Variants in XKR6 observed in about 807,000 individuals in gnomAD.
The protein encoded by XKR6 is XK related 6, also known as XK-related protein 6.
XKR6 carries 22 observed loss-of-function variants against 56.7 expected under a neutral mutation model. The ratio of observed to expected loss-of-function variants is 0.39; its 90% CI spans 0.28 to 0.55. The LOEUF (loss-of-function observed/expected upper bound fraction) is 0.55, where lower values mean the gene tolerates loss of function less well. Among genes scored for constraint, XKR6 ranks in the 20% least tolerant of loss-of-function variants. The probability of loss-of-function intolerance (pLI) is 0.66; values close to 1 mark genes in which losing one functional copy is unlikely to be tolerated. For synonymous variants in XKR6, 524 were observed against 387.8 expected (o/e 1.35, Z -4.13); for missense variants, 852 against 889.0 (o/e 0.96, Z 0.53).
chr8:10,974,601 G>C (rs1316704665), intron 1 of XKR6, among the ~76,000 whole-genome samples: 2 of 152,220 alleles, frequency 1.3e-5, no homozygotes, highest in Admixed American at 1.3e-4. Flanking sequence ...TGGTGAGGAA[G>C]AGGTGACAGT....
intron 1 of XKR6, among the ~76,000 whole-genome samples, chr8:11,022,525 C>G (rs990396781): frequency 5.9e-5 from 9 of 152,282 alleles, no homozygotes; most frequent in Non-Finnish European, 1.2e-4. Context: ...ATGAATGGGA[C>G]AAAGACTAAG....
chr8:10,981,589 G>C (rs1195817795), intron 1 of XKR6, among the ~76,000 whole-genome samples: 1 of 152,124 alleles, frequency 6.6e-6, no homozygotes, highest in Admixed American at 6.5e-5. Context: ...TAAATGTATA[G>C]ACCCAGGGAT....
At chr8:11,101,854 C>CT (rs1218136802) in intron 1 of XKR6, among the ~76,000 whole-genome samples, 1 of 152,070 alleles carries the variant, frequency 6.6e-6, no homozygotes, top group Non-Finnish European at 1.5e-5. Flanking sequence ...GTGGCTCACC[C>CT]TTTAAGGCCC....
intron 1 of XKR6, among the ~76,000 whole-genome samples, chr8:11,058,010 T>G (rs1799729788): frequency 6.6e-6 from 1 of 152,236 alleles, no homozygotes; most frequent in Admixed American, 6.5e-5. Flanking sequence ...ATGTGTTGCC[T>G]TTAACTCTAA....
At position 11,012,200 on chromosome 8, in the gene XKR6, C is replaced by T. The variant is rs183437212; in HGVS notation, c.765-87370G>A. 3.2e-3 allele frequency among the ~76,000 whole-genome samples: 490 copies of T among 152,320 alleles called. 1 individual carries two copies. Among genetic ancestry groups the T allele is most frequent in the Middle Eastern group, 0.01 (3 of 294 alleles). On this transcript the variant is annotated intron_variant, in intron 1 of 2. Coordinates refer to ENST00000416569, the MANE Select transcript of XKR6 (RefSeq NM_173683.4). ...ATTCAGGTCACAGGACCCCACCCCA[C>T]TCCCCAGCCCTGACAGCCAGCATGG...
chr8:10,985,747 C>G (rs1797848229), intron 1 of XKR6, among the ~76,000 whole-genome samples: 2 of 152,096 alleles, frequency 1.3e-5, no homozygotes, highest in Non-Finnish European at 2.9e-5. Context: ...ATAAATTACG[C>G]AGTCTCTGGT....
chr8:11,085,463 T>A (rs532995888), intron 1 of XKR6, among the ~76,000 whole-genome samples: 1 of 152,106 alleles, frequency 6.6e-6, no homozygotes, highest in African/African-American at 2.4e-5. Flanking sequence ...TGTGTATGTA[T>A]GTGCATGTGT....
At chr8:11,129,087 G>C (rs1347110025) in intron 1 of XKR6, 4 of 394,956 alleles carry the variant, frequency 1.0e-5, no homozygotes, top group Non-Finnish European at 2.0e-5. Flanking sequence ...ATGTAATCAA[G>C]AGCCCAATCA....
chr8:11,159,501 T>C (rs1180401145), intron 1 of XKR6, among the ~76,000 whole-genome samples: 1 of 152,220 alleles, frequency 6.6e-6, no homozygotes, highest in Non-Finnish European at 1.5e-5. Context: ...TGTATGGCCA[T>C]CAGCTTGCCA....
At chr8:11,199,462 G>A (rs1585047916) in intron 1 of XKR6, among the ~76,000 whole-genome samples, 1 of 152,230 alleles carries the variant, frequency 6.6e-6, no homozygotes. Context: ...TAAGCTTGGA[G>A]TCAGGGCAGC....
Position 11,201,367 on chromosome 8 carries a change from TGGGGGGGAGGGACGGCGGG to T in XKR6, c.-47_-29del. The T allele has an allele frequency of 6.0e-6, 2 of 331,636 alleles. No homozygotes were observed. Among genetic ancestry groups the T allele is most frequent in the South Asian group, 6.6e-5 (1 of 15,206 alleles). 20.5% of individuals were successfully genotyped at this position (331,636 alleles called of 1,614,324 possible). A position where few individuals can be genotyped will look rare whatever the true frequency, so the allele number is the denominator to read the frequency against. On this transcript the variant is annotated 5_prime_UTR_variant, in exon 1 of 3. Coordinates refer to ENST00000416569, the MANE Select transcript of XKR6 (RefSeq NM_173683.4). ...TGACTCTCTTCCCAGCTCCGGAGGT[TGGGGGGGAGGGACGGCGGG>T]GGGGGGGGGAAGAAGGCAGGGAACG... is the stretch of plus-strand genomic sequence containing the variant.
chr8:10,970,559 C>G (rs1802378119), intron 1 of XKR6, among the ~76,000 whole-genome samples: 1 of 152,016 alleles, frequency 6.6e-6, no homozygotes, highest in Admixed American at 6.6e-5. Context: ...GATGTCTGAT[C>G]TCAATGAGGA....
chr8:11,160,391 GA>G (rs150234698), intron 1 of XKR6, among the ~76,000 whole-genome samples: 218 of 145,530 alleles, frequency 1.5e-3, no homozygotes, highest in African/African-American at 3.4e-3. Context: ...CCTTTATGGG[GA>G]AAAAAAAAAG....
intron 2 of XKR6, among the ~76,000 whole-genome samples, chr8:10,910,525 T>A (rs1800320953): frequency 6.6e-6 from 1 of 152,108 alleles, no homozygotes; most frequent in African/African-American, 2.4e-5. Context: ...TGGTCCCAAA[T>A]GCATTTCTTC....
chr8:11,033,376 G>C (rs561811579), intron 1 of XKR6, among the ~76,000 whole-genome samples: 18 of 144,890 alleles, frequency 1.2e-4, no homozygotes, highest in African/African-American at 4.9e-4. Context: ...GATGGTGATG[G>C]TGGTGGTGAT....
intron 1 of XKR6, among the ~76,000 whole-genome samples, chr8:11,118,622 G>A (rs937952626): frequency 6.6e-6 from 1 of 152,088 alleles, no homozygotes; most frequent in Admixed American, 6.5e-5. Flanking sequence ...TTCTCTGATG[G>A]TAGTTTGTAT....
chr8:10,902,122 C>A (rs1586283504), intron 2 of XKR6, among the ~76,000 whole-genome samples: 1 of 152,174 alleles, frequency 6.6e-6, no homozygotes, highest in Non-Finnish European at 1.5e-5. Context: ...GTTGCGGCTT[C>A]TAGAATTTCG....
At chr8:11,152,754 G>A (rs1169096301) in intron 1 of XKR6, among the ~76,000 whole-genome samples, 2 of 152,220 alleles carry the variant, frequency 1.3e-5, no homozygotes, top group African/African-American at 4.8e-5. Context: ...CAACTAGCTT[G>A]TGGACAGAGT....
At chr8:10,906,351 G>C (rs981005900) in intron 2 of XKR6, among the ~76,000 whole-genome samples, 2 of 152,166 alleles carry the variant, frequency 1.3e-5, no homozygotes, top group Non-Finnish European at 2.9e-5. Context: ...CAAATTAGAA[G>C]GGCCTGTCTC....
Sources: allele counts gnomAD v4.1 joint callset (sites outside exome capture counted in the v4.1 genomes callset), GRCh38; gene constraint gnomAD v4.1.1; transcripts MANE v1.5; gene names NCBI Gene and HGNC (gene_info 2026-07-23, HGNC 2026-07-21).